ELP4: variants seen among roughly 807,000 people sequenced by gnomAD.
ELP4 encodes elongator acetyltransferase complex subunit 4, also known as elongator complex protein 4.
A neutral mutation model predicts 48.9 loss-of-function variants in ELP4; 51 were observed. That is an observed-to-expected ratio of 1.04 (90% CI 0.83 to 1.32). ELP4 has a LOEUF of 1.32. ELP4 is among the 40% of genes most tolerant of loss of function. The probability of loss-of-function intolerance (pLI) is 0.00; values close to 1 mark genes in which losing one functional copy is unlikely to be tolerated. For synonymous variants in ELP4, 210 were observed against 189.2 expected (o/e 1.11, Z -0.90); for missense variants, 519 against 514.6 (o/e 1.01, Z -0.08).
intron 9 of ELP4, among the ~76,000 whole-genome samples, chr11:31,770,765 G>A (rs781545945): frequency 1.4e-5 from 2 of 146,880 alleles, no homozygotes; most frequent in Non-Finnish European, 3.0e-5. Flanking sequence ...AAAAATAGAT[G>A]TGTTAGCACA....
At position 31,624,053 on chromosome 11, in the gene ELP4, A is replaced by G. The variant is rs1434686994; in HGVS notation, c.654-3057A>G. On this transcript the variant is annotated intron_variant, in intron 5 of 9. Transcript: ENST00000640961. ...TTAGAATGACTGTTATCAAAAAGAC[A>G]AAAGTGTTGGAGATGATATGGACAA... Among the ~76,000 whole-genome samples, 2 of 151,954 alleles carry G rather than the reference A, an allele frequency of 1.3e-5. 1 individual carries two copies. The highest frequency in any genetic ancestry group is 6.8e-3 in the Middle Eastern group (2 of 294).
chr11:31,686,860 C>T (rs1000982381), intron 9 of ELP4, among the ~76,000 whole-genome samples: 1 of 138,424 alleles, frequency 7.2e-6, no homozygotes, highest in South Asian at 2.4e-4. Context: ...CAGAGTGAGA[C>T]CCTGCTTCAA....
chr11:31,680,873 C>A (rs74809656), intron 9 of ELP4, among the ~76,000 whole-genome samples: 1 of 152,126 alleles, frequency 6.6e-6, no homozygotes, highest in Admixed American at 6.5e-5. Context: ...AACTCTGTTA[C>A]GGACTGTAAA....
intron 2 of ELP4, among the ~76,000 whole-genome samples, chr11:31,533,103 A>G (rs748073903): frequency 6.6e-6 from 1 of 151,920 alleles, no homozygotes; most frequent in Non-Finnish European, 1.5e-5. Context: ...ACATGCATAT[A>G]TTGCACAGTG....
intron 3 of ELP4, among the ~76,000 whole-genome samples, chr11:31,574,756 G>A (rs563753753): frequency 4.6e-5 from 7 of 152,184 alleles, no homozygotes; most frequent in Non-Finnish European, 8.8e-5. Context: ...CAAACAGAAA[G>A]GACATCCACA....
At chr11:31,684,915 C>T (rs1436223866) in intron 9 of ELP4, among the ~76,000 whole-genome samples, 1 of 152,190 alleles carries the variant, frequency 6.6e-6, no homozygotes, top group African/African-American at 2.4e-5. Flanking sequence ...CAAGGAGCTG[C>T]TGATATTCCT....
chr11:31,714,988 A>G (rs1362611595), intron 9 of ELP4: 3 of 394,670 alleles, frequency 7.6e-6, no homozygotes. Flanking sequence ...AGACTGTGGT[A>G]TGGACATTTT....
intron 9 of ELP4, among the ~76,000 whole-genome samples, chr11:31,699,288 G>A (rs930155440): frequency 7.9e-5 from 12 of 152,130 alleles, no homozygotes; most frequent in Non-Finnish European, 2.9e-5. Context: ...CAGAAAGTAA[G>A]GAGATACTCA....
intron 3 of ELP4, among the ~76,000 whole-genome samples, chr11:31,549,021 A>C (rs2133923792): frequency 6.6e-6 from 1 of 152,240 alleles, no homozygotes; most frequent in African/African-American, 2.4e-5. Flanking sequence ...TAGACCTAAA[A>C]CCATAAAAAC....
At position 31,762,528 on chromosome 11, in the gene ELP4, A is replaced by G. The variant is rs559275323; in HGVS notation, c.1144-20865A>G. On this transcript the variant is annotated intron_variant, in intron 9 of 9. Transcript: ENST00000640961. ...GACTTTCTACAATAAGAATCTTTTCACTTTCTCTTTTTAAGTCAGAAGTAA... is the reference window on the plus strand; with the variant it reads ...GACTTTCTACAATAAGAATCTTTTCGCTTTCTCTTTTTAAGTCAGAAGTAA... Among the ~76,000 whole-genome samples, 40 of 152,166 alleles carry G rather than the reference A, an allele frequency of 2.6e-4. 1 individual carries two copies. In the South Asian group the frequency reaches 7.5e-3, roughly 28 times the overall value.
At chr11:31,601,586 T>G (rs1957784128) in intron 4 of ELP4, among the ~76,000 whole-genome samples, 1 of 152,146 alleles carries the variant, frequency 6.6e-6, no homozygotes, top group Non-Finnish European at 1.5e-5. Context: ...ATATTGTAAT[T>G]AGAAACATTA....
chr11:31,631,649 A>G (rs1944863608), intron 6 of ELP4, among the ~76,000 whole-genome samples: 1 of 152,114 alleles, frequency 6.6e-6, no homozygotes, highest in Admixed American at 6.6e-5. Flanking sequence ...CTAAATGTTC[A>G]CCTGTTAAAT....
rs375500865 is a variant in ELP4 at position 31,641,558 on chromosome 11, G to T, written c.928-6183G>T. The stretch of plus-strand genomic sequence containing the variant: ...TAAGACACCCTGAGTTTGAAAATGC[G>T]CAGACTGAAAGGGGGGCACCTTACA... On this transcript the variant is annotated intron_variant, in intron 7 of 9. Coordinates refer to ENST00000640961, the MANE Select transcript of ELP4 (RefSeq NM_019040.5). Among the ~76,000 whole-genome samples the T allele has an allele frequency of 3.6e-4, 55 of 151,874 alleles. 1 individual carries two copies. In the South Asian group the frequency reaches 0.011, roughly 31 times the overall value.
chr11:31,755,368 A>G (rs1241478921), intron 9 of ELP4, among the ~76,000 whole-genome samples: 2 of 152,216 alleles, frequency 1.3e-5, no homozygotes, highest in African/African-American at 2.4e-5. Flanking sequence ...AATTTGAGCA[A>G]GGTACTTACA....
rs115358437 is a variant in ELP4 at position 31,712,868 on chromosome 11, T to C, written c.1143+62647T>C. Among the ~76,000 whole-genome samples the C allele has an allele frequency of 4.6e-3, 700 of 152,306 alleles. 8 individuals are homozygous for C. The highest frequency in any genetic ancestry group is 0.016 in the African/African-American group (677 of 41,570). The stretch of plus-strand genomic sequence containing the variant: ...TACATTTAAATGAAGACATCAATTG[T>C]CAGGATGCCATATGATATCTTATTC... On this transcript the variant is annotated intron_variant, in intron 9 of 9. Transcript: ENST00000640961.
chr11:31,780,327 A>G (rs368090435), intron 9 of ELP4, among the ~76,000 whole-genome samples: 5 of 152,198 alleles, frequency 3.3e-5, no homozygotes, highest in East Asian at 3.9e-4. Context: ...GCTGTTTCAC[A>G]TCGCACTGAC....
intron 7 of ELP4, among the ~76,000 whole-genome samples, chr11:31,640,561 T>C (rs565911927): frequency 1.3e-5 from 2 of 152,080 alleles, no homozygotes; most frequent in African/African-American, 4.8e-5. Context: ...GCTTCTTTAA[T>C]AATGTTTTCG....
chr11:31,550,006 G>A (rs886954850), intron 3 of ELP4, among the ~76,000 whole-genome samples: 3 of 152,020 alleles, frequency 2.0e-5, no homozygotes, highest in Non-Finnish European at 2.9e-5. Flanking sequence ...TAGGGGGGAG[G>A]GATAGCATTG....
At chr11:31,668,195 A>G (rs1217959503) in intron 9 of ELP4, among the ~76,000 whole-genome samples, 1 of 152,206 alleles carries the variant, frequency 6.6e-6, no homozygotes, top group Non-Finnish European at 1.5e-5. Context: ...TTAAATAATT[A>G]TGCTTTTTGG....
Sources: gnomAD v4.1 joint callset for allele counts (sites outside exome capture counted in the v4.1 genomes callset) on GRCh38, gnomAD v4.1.1 for gene constraint, MANE v1.5 for transcripts, NCBI Gene and HGNC (gene_info 2026-07-23, HGNC 2026-07-21) for gene names.